Variants in SLC8A2 observed in about 807,000 individuals in gnomAD.
The protein encoded by SLC8A2 is solute carrier family 8 member A2.
A neutral mutation model predicts 70.2 loss-of-function variants in SLC8A2; 14 were observed. The observed-to-expected ratio is 0.20, with a 90% confidence interval of 0.13 to 0.31. The LOEUF is 0.31. Among genes scored for constraint, SLC8A2 ranks in the 10% least tolerant of loss-of-function variants. The pLI, the probability that SLC8A2 is intolerant of heterozygous loss-of-function variation, is 1.00. For missense variants in SLC8A2, 779 were observed against 1,320.1 expected (o/e 0.59, Z 6.35); for synonymous variants, 575 against 594.3 (o/e 0.97, Z 0.47).
chr19:47,462,367 C>T (rs1485517503), intron 2 of SLC8A2, among the ~76,000 whole-genome samples: 3 of 152,064 alleles, frequency 2.0e-5, no homozygotes, highest in African/African-American at 2.4e-5. Context: ...CGGGTTCAAG[C>T]GATTCTCCTG....
At chr19:47,444,515 C>T (rs1194925679) in intron 4 of SLC8A2, among the ~76,000 whole-genome samples, 4 of 152,284 alleles carry the variant, frequency 2.6e-5, no homozygotes, top group Middle Eastern at 6.8e-3. Context: ...AATGCTGGGG[C>T]CGGCGAGGAG....
At chr19:47,462,498 G>A (rs958566639) in intron 2 of SLC8A2, among the ~76,000 whole-genome samples, 1 of 151,776 alleles carries the variant, frequency 6.6e-6, no homozygotes, top group African/African-American at 2.4e-5. Context: ...TCCTGACCTC[G>A]GGTGATCTGC....
Position 47,429,851 on chromosome 19 carries a change from T to C in SLC8A2, c.*238A>G. Reference sequence around the variant, plus strand: ...ATAGACGGTCACCAACAGGATGGGCTGGAGTTGGGGTCACCGCAGGGGAGG... The same window carrying C: ...ATAGACGGTCACCAACAGGATGGGCCGGAGTTGGGGTCACCGCAGGGGAGG... On this transcript the variant is annotated 3_prime_UTR_variant, in exon 10 of 10. Coordinates refer to ENST00000236877, the MANE Select transcript of SLC8A2 (RefSeq NM_015063.3). 1.8e-6 allele frequency: 1 copy of C among 564,958 alleles called. No homozygotes were observed. The allele number at this position is 564,958 out of a possible 1,614,324, so 35.0% of individuals were successfully genotyped here. A position where few individuals can be genotyped will look rare whatever the true frequency, so the allele number is the denominator to read the frequency against.
Position 47,430,501 on chromosome 19 carries a change from G to A in SLC8A2, c.2390-36C>T, listed in dbSNP as rs760277022. The A allele has an allele frequency of 3.2e-5, 49 of 1,543,476 alleles. No homozygotes were observed. Among genetic ancestry groups the A allele is most frequent in the Non-Finnish European group, 3.7e-5 (43 of 1,148,828 alleles). On this transcript the variant is annotated intron_variant, in intron 9 of 9. Coordinates refer to ENST00000236877, the MANE Select transcript of SLC8A2 (RefSeq NM_015063.3). This position sits in a 1 kb window ranked among gnomAD's most constrained non-coding sequence, Gnocchi z 5.9. ...GAGACATACAGGTCGGAGGGGCTTT[G>A]CGCCGCCACCCACAGGGGCGGGCAT...
rs1476383417 is a variant in SLC8A2, at chr19:47,429,447, TC to T, written c.*641del. ...CCCTGGGACTGAAACCCCAAACTTC[TC>T]CCCTCGTCTCCGAGCCTGGAGAATG... On this transcript the variant is annotated 3_prime_UTR_variant, in exon 10 of 10. Coordinates refer to ENST00000236877, the MANE Select transcript of SLC8A2 (RefSeq NM_015063.3). The T allele has an allele frequency of 6.5e-6, 1 of 152,916 alleles. No individual in the cohort carries two copies. Among genetic ancestry groups the T allele is most frequent in the Non-Finnish European group, 1.5e-5 (1 of 68,252 alleles). 9.5% of individuals were successfully genotyped at this position (152,916 alleles called of 1,614,324 possible). A position where few individuals can be genotyped will look rare whatever the true frequency, so the allele number is the denominator to read the frequency against.
At chr19:47,470,080 G>A (rs975329895) in intron 1 of SLC8A2, among the ~76,000 whole-genome samples, 4 of 152,208 alleles carry the variant, frequency 2.6e-5, no homozygotes, top group Non-Finnish European at 5.9e-5. Flanking sequence ...GGCCCTTGCA[G>A]GACCGAGCTG....
At chr19:47,461,691 G>A (rs537614213) in intron 2 of SLC8A2, among the ~76,000 whole-genome samples, 10 of 152,352 alleles carry the variant, frequency 6.6e-5, no homozygotes, top group South Asian at 2.1e-4. Context: ...AATGTTCAGC[G>A]CAAGCTGTGA....
chr19:47,437,293 C>T (rs887145767), intron 8 of SLC8A2, among the ~76,000 whole-genome samples, 169 bp downstream of exon 8: 3 of 151,918 alleles, frequency 2.0e-5, no homozygotes, highest in Non-Finnish European at 2.9e-5. Context: ...AAACTCCTGG[C>T]CTCAAGCAAT....
At chr19:47,440,361 C>A (rs1967085944) in intron 6 of SLC8A2, among the ~76,000 whole-genome samples, 3 of 152,192 alleles carry the variant, frequency 2.0e-5, no homozygotes, top group Admixed American at 2.0e-4. Flanking sequence ...TAATCAACCC[C>A]AAACTGGATT....
chr19:47,452,437 AGAGAGAGAGTGTGTGTGTGTGTGT>A (rs1967252551), intron 3 of SLC8A2, among the ~76,000 whole-genome samples: 13 of 87,318 alleles, frequency 1.5e-4, no homozygotes, highest in African/African-American at 3.5e-4. Flanking sequence ...AGAGAGAGAG[AGAGAGAGAGTGTGTGTGTGTGTGT>A]GTGTGTGTGT....
rs753204658 is a variant in SLC8A2 at position 47,447,169 on chromosome 19, C to T, written c.1763+640G>A. Among the ~76,000 whole-genome samples, 26 of 151,904 alleles carry T rather than the reference C, an allele frequency of 1.7e-4. No individual in the cohort carries two copies. The highest frequency in any genetic ancestry group is 5.9e-4 in the Admixed American group (9 of 15,252). On this transcript the variant is annotated intron_variant, in intron 4 of 9. Transcript: ENST00000236877. This position sits in a 1 kb window ranked among gnomAD's most constrained non-coding sequence, Gnocchi z 5.1. Reference sequence around the variant, plus strand: ...CAGGCCCCACCCATCTTGTTAGGCCCCGCCTTCTTCCGCAGCCCACATCCA... The same window carrying T: ...CAGGCCCCACCCATCTTGTTAGGCCTCGCCTTCTTCCGCAGCCCACATCCA...
intron 8 of SLC8A2, among the ~76,000 whole-genome samples, chr19:47,434,417 T>C (rs1967001080): frequency 6.6e-6 from 1 of 152,218 alleles, no homozygotes; most frequent in South Asian, 2.1e-4. Flanking sequence ...CTGGATCCAC[T>C]GTGTGATCCT....
At chr19:47,439,013 G>A (rs779354927) in intron 6 of SLC8A2, among the ~76,000 whole-genome samples, 9 of 152,088 alleles carry the variant, frequency 5.9e-5, no homozygotes, top group East Asian at 1.9e-4. Context: ...GCGTGGCCAC[G>A]GCCTGAGTTA....
At position 47,457,609 on chromosome 19, in the gene SLC8A2, C is replaced by T; in HGVS notation, c.676-15G>A. 4 of 1,519,910 alleles carry T rather than the reference C, an allele frequency of 2.6e-6. No individual in the cohort carries two copies. The highest frequency in any genetic ancestry group is 3.5e-6 in the Non-Finnish European group (4 of 1,134,140). 94.2% of individuals were successfully genotyped at this position (1,519,910 alleles called of 1,614,324 possible). On this transcript the variant is annotated splice_polypyrimidine_tract_variant and intron_variant, in intron 2 of 9. Transcript: ENST00000236877. ...GCCTCCCACACCTGCGGGCGGCGGG[C>T]GTCAGGGCGAGGCCGGGCGGGCCGC...
chr19:47,467,836 C>CA (rs35745146), intron 1 of SLC8A2, among the ~76,000 whole-genome samples: 11,484 of 38,446 alleles, frequency 0.3, 1,093 homozygotes, highest in Non-Finnish European at 0.35. Flanking sequence ...TCTAAAAATA[C>CA]AAAAAAAAAA....
chr19:47,430,113 C>T lies in SLC8A2; in HGVS notation c.2742G>A (p.Ala914=), dbSNP rs772410511. 1.3e-6 allele frequency: 2 copies of T among 1,589,858 alleles called. No individual in the cohort carries two copies. Among genetic ancestry groups the T allele is most frequent in the South Asian group, 1.1e-5 (1 of 87,872 alleles). ...LLYILFASLE[A]YCHIRGF ...CCTAGAAGCCCCGGATGTGGCAGTA[C>T]GCCTCCAGGCTGGCGAAGAGGATGT... Residue 914 remains alanine, a synonymous_variant, in exon 10 of 10, where the codon GCG becomes GCA. Coordinates refer to ENST00000236877, the MANE Select transcript of SLC8A2 (RefSeq NM_015063.3). This position sits in a 1 kb window ranked among gnomAD's most constrained non-coding sequence, Gnocchi z 5.9.
chr19:47,459,969 G>C (rs558443504), intron 2 of SLC8A2, among the ~76,000 whole-genome samples: 1 of 151,936 alleles, frequency 6.6e-6, no homozygotes, highest in South Asian at 2.1e-4. Flanking sequence ...CTGCTGTCAA[G>C]GGACAGAGCC....
chr19:47,466,214 A>G lies in SLC8A2; in HGVS notation c.190T>C (p.Ser64Pro), dbSNP rs376864239. 6 of 1,610,832 alleles carry G rather than the reference A, an allele frequency of 3.7e-6. No homozygotes were observed. The African/African-American group carries it at 8.0e-5, about 22-fold the overall frequency. Reference protein sequence around the residue: ...LLPVWEPDDPSLGDKAARAVV... With the variant: ...LLPVWEPDDPPLGDKAARAVV... ...GCCCGTGCCGCCTTGTCACCCAGCG[A>G]CGGGTCGTCGGGCTCCCACACGGGC... The change falls in exon 2 of 10, where the codon TCG (serine) becomes CCG (proline). Residue 64 changes from serine (S) to proline (P), a missense_variant. Coordinates refer to ENST00000236877, the MANE Select transcript of SLC8A2 (RefSeq NM_015063.3). This position sits in a 1 kb window ranked among gnomAD's most constrained non-coding sequence, Gnocchi z 6.9.
At chr19:47,442,210 C>A (rs988729983) in intron 4 of SLC8A2, among the ~76,000 whole-genome samples, 1 of 152,198 alleles carries the variant, frequency 6.6e-6, no homozygotes, top group Non-Finnish European at 1.5e-5. Context: ...TGCACTCCAG[C>A]CCAGCCACTA....
Sources: allele counts gnomAD v4.1 joint callset (sites outside exome capture counted in the v4.1 genomes callset), GRCh38; gene constraint gnomAD v4.1.1; non-coding constraint Gnocchi (gnomAD v3.1); transcripts MANE v1.5; gene names NCBI Gene and HGNC (gene_info 2026-07-23, HGNC 2026-07-21).